Variants in STAG1 observed in about 807,000 individuals in gnomAD.
STAG1 encodes the protein cohesin subunit SA-1.
STAG1 carries 26 observed loss-of-function variants against 170.9 expected under a neutral mutation model. The ratio of observed to expected loss-of-function variants is 0.15; its 90% CI spans 0.11 to 0.21. The LOEUF is 0.21. Among genes scored for constraint, STAG1 ranks in the 10% least tolerant of loss-of-function variants. The pLI, the probability that STAG1 is intolerant of heterozygous loss-of-function variation, is 1.00. For missense variants in STAG1, 964 were observed against 1,509.5 expected (o/e 0.64, Z 5.99); for synonymous variants, 514 against 497.7 (o/e 1.03, Z -0.44).
intron 21 of STAG1, among the ~76,000 whole-genome samples, chr3:136,415,938 G>A (rs759844156): frequency 2.6e-5 from 4 of 152,128 alleles, no homozygotes; most frequent in Admixed American, 6.5e-5. Context: ...AGTCATATTT[G>A]AGTCATGCAC....
At chr3:136,567,655 T>C (rs1937132781) in intron 5 of STAG1, among the ~76,000 whole-genome samples, 2 of 152,220 alleles carry the variant, frequency 1.3e-5, no homozygotes, top group African/African-American at 4.8e-5. Context: ...GTGACACAGC[T>C]TGACTCTCAA....
chr3:136,625,773 T>C (rs1940065825), intron 2 of STAG1, among the ~76,000 whole-genome samples: 1 of 152,240 alleles, frequency 6.6e-6, no homozygotes, highest in Admixed American at 6.5e-5. Context: ...TGCTGCTTAT[T>C]CAAGCCATTC....
intron 13 of STAG1, among the ~76,000 whole-genome samples, chr3:136,459,220 G>GAAAAAAAA (rs769155825): frequency 3.2e-4 from 29 of 91,686 alleles, no homozygotes; most frequent in Non-Finnish European, 3.6e-4. Context: ...CTGTCTTAAA[G>GAAAAAAAA]AAAAAAAAAA....
At chr3:136,490,202 C>CT (rs1186130853) in intron 9 of STAG1, among the ~76,000 whole-genome samples, 117 of 147,932 alleles carry the variant, frequency 7.9e-4, no homozygotes, top group East Asian at 3.7e-3. Context: ...CATCACACCC[C>CT]TTTTTTTTTT....
chr3:136,622,485 G>A (rs767710764), intron 3 of STAG1, among the ~76,000 whole-genome samples: 5 of 152,116 alleles, frequency 3.3e-5, no homozygotes, highest in Non-Finnish European at 7.4e-5. Context: ...TGCTAAATCT[G>A]GGTAATGGCT....
chr3:136,562,379 G>A (rs1272843373), intron 5 of STAG1, among the ~76,000 whole-genome samples: 2 of 151,512 alleles, frequency 1.3e-5, no homozygotes, highest in African/African-American at 2.4e-5. Flanking sequence ...TCCTGCCTCA[G>A]CCTCCCAAGC....
At chr3:136,651,668 C>CAATA (rs1488422363) in intron 1 of STAG1, among the ~76,000 whole-genome samples, 1 of 151,662 alleles carries the variant, frequency 6.6e-6, no homozygotes, top group Non-Finnish European at 1.5e-5. Flanking sequence ...AGATATAAAC[C>CAATA]AATAGTCTTA....
intron 5 of STAG1, among the ~76,000 whole-genome samples, chr3:136,564,517 T>C (rs562238130): frequency 4.9e-4 from 75 of 152,344 alleles, no homozygotes; most frequent in Non-Finnish European, 3.2e-4. Context: ...TTTTCATATG[T>C]TCTAAGATAT....
chr3:136,671,923 T>C (rs966228362), intron 1 of STAG1, among the ~76,000 whole-genome samples: 4 of 152,206 alleles, frequency 2.6e-5, no homozygotes, highest in African/African-American at 4.8e-5. Flanking sequence ...CAGACCATCA[T>C]TCACTAATGT....
At chr3:136,515,894 T>C (rs752974993) in intron 7 of STAG1, among the ~76,000 whole-genome samples, 6 of 151,950 alleles carry the variant, frequency 3.9e-5, no homozygotes, top group Admixed American at 1.3e-4. Flanking sequence ...ATACAAACCC[T>C]AGAAAATTGA....
intron 7 of STAG1, among the ~76,000 whole-genome samples, chr3:136,511,092 C>A (rs967287727): frequency 6.6e-6 from 1 of 152,130 alleles, no homozygotes; most frequent in South Asian, 2.1e-4. Context: ...CGGTTTTATA[C>A]GTCTCTGGCA....
At chr3:136,411,806 C>T (rs1324899853) in intron 21 of STAG1, among the ~76,000 whole-genome samples, 15 of 151,810 alleles carry the variant, frequency 9.9e-5, no homozygotes, top group African/African-American at 3.6e-4. Context: ...ATTAGCCGGG[C>T]GTGGTGGTGG....
intron 9 of STAG1, among the ~76,000 whole-genome samples, chr3:136,484,872 C>G (rs540935235): frequency 2.6e-3 from 396 of 151,856 alleles, no homozygotes; most frequent in Non-Finnish European, 4.8e-3. Context: ...TTCTTTGACT[C>G]GGAAAGGGAA....
At chr3:136,429,871 T>A (rs546425401) in intron 16 of STAG1, among the ~76,000 whole-genome samples, 1 of 152,328 alleles carries the variant, frequency 6.6e-6, no homozygotes, top group African/African-American at 2.4e-5. Flanking sequence ...TATTTTCTCT[T>A]CCTTCTGATT....
At chr3:136,464,843 A>G in intron 13 of STAG1, 38 bp downstream of exon 13, 1 of 1,526,350 alleles carries the variant, frequency 6.6e-7, no homozygotes, top group Non-Finnish European at 9.0e-7. Context: ...AAAACAACAT[A>G]GAAAAGTAGA....
At chr3:136,550,400 C>T (rs902067409) in intron 5 of STAG1, among the ~76,000 whole-genome samples, 1 of 151,844 alleles carries the variant, frequency 6.6e-6, no homozygotes, top group Non-Finnish European at 1.5e-5. Context: ...CTCTGCCTCC[C>T]GGATTCACGC....
At chr3:136,466,645 A>G (rs2089469993) in intron 12 of STAG1, among the ~76,000 whole-genome samples, 3 of 152,136 alleles carry the variant, frequency 2.0e-5, no homozygotes, top group Admixed American at 2.0e-4. Context: ...TTCAGGAAAT[A>G]CAGAGAACGC....
chr3:136,487,960 A>T (rs2090050005), intron 9 of STAG1, among the ~76,000 whole-genome samples: 1 of 152,210 alleles, frequency 6.6e-6, no homozygotes, highest in Non-Finnish European at 1.5e-5. Context: ...TTCTGCCATC[A>T]GCCATGTAAG....
chr3:136,444,022 AC>A (rs1418695735), intron 14 of STAG1, among the ~76,000 whole-genome samples: 1 of 151,818 alleles, frequency 6.6e-6, no homozygotes, highest in African/African-American at 2.4e-5. Flanking sequence ...TCTTCATCAA[AC>A]ACTTCACACC....
Sources: gnomAD v4.1 joint callset for allele counts (sites outside exome capture counted in the v4.1 genomes callset) on GRCh38, gnomAD v4.1.1 for gene constraint, MANE v1.5 for transcripts, NCBI Gene and HGNC (gene_info 2026-07-23, HGNC 2026-07-21) for gene names.